FMN2: variants seen among roughly 807,000 people sequenced by gnomAD.
The protein encoded by FMN2 is formin 2.
FMN2 carries 51 observed loss-of-function variants against 142.3 expected under a neutral mutation model. The ratio of observed to expected loss-of-function variants is 0.36; its 90% confidence interval spans 0.29 to 0.45. The LOEUF (loss-of-function observed/expected upper bound fraction) is 0.45. Ranked by LOEUF, FMN2 falls within the 20% of genes least tolerant of loss-of-function variation. FMN2 has a pLI of 1.00. For synonymous variants in FMN2, 882 were observed against 869.8 expected (o/e 1.01, Z -0.25); for missense variants, 1,936 against 2,122.8 (o/e 0.91, Z 1.73).
Position 240,373,296 on chromosome 1 carries a change from G to T in FMN2, c.4858+17388G>T, listed in dbSNP as rs189290273. ...AGCTGCTCGCTGACAGGTCAGGGTG[G>T]TGGTTGCTGAATATTGGGGTAGCTG... On this transcript the variant is annotated intron_variant, in intron 14 of 17. Coordinates refer to ENST00000319653, the MANE Select transcript of FMN2 (RefSeq NM_020066.5). Among the ~76,000 whole-genome samples, 360 of 152,256 alleles carry T rather than the reference G, an allele frequency of 2.4e-3. 5 individuals are homozygous for T. The highest frequency in any genetic ancestry group is 8.3e-3 in the African/African-American group (345 of 41,554).
At chr1:240,226,773 T>C (rs10802848) in intron 6 of FMN2, among the ~76,000 whole-genome samples, 101,783 of 151,678 alleles carry the variant, frequency 0.67, 35,059 homozygotes, top group African/African-American at 0.8. Flanking sequence ...TCAATAGCTG[T>C]AGAATCCGCA....
At chr1:240,256,134 A>G (rs1372976589) in intron 6 of FMN2, among the ~76,000 whole-genome samples, 2 of 152,174 alleles carry the variant, frequency 1.3e-5, no homozygotes, top group African/African-American at 2.4e-5. Context: ...AAGCATTTTC[A>G]TCAAGCAGCA....
intron 8 of FMN2, among the ~76,000 whole-genome samples, chr1:240,315,442 T>TA (rs1302887605): frequency 1.3e-5 from 2 of 152,214 alleles, no homozygotes; most frequent in African/African-American, 4.8e-5. Flanking sequence ...AAGGAATAAA[T>TA]AGTCAACTCT....
chr1:240,338,439 T>G (rs1328688734), intron 13 of FMN2, among the ~76,000 whole-genome samples: 1 of 152,236 alleles, frequency 6.6e-6, no homozygotes, highest in Non-Finnish European at 1.5e-5. Flanking sequence ...ACAGTGGTCC[T>G]TCCCACCTAT....
rs768022894 is a variant in FMN2, at chr1:240,207,233, C to T, written c.2421C>T (p.Ile807=). The change falls in exon 5 of 18, where the codon ATC becomes ATT. Residue 807 remains isoleucine (I), a synonymous_variant. Transcript: ENST00000319653. ...ACAGCCATCAGCCCACACAGAGCAT[C>T]TCACAGCCTCCACCACCTCCATCCC... The part of the protein sequence containing the change: ...QLDSHQPTQS[I]SQPPPPPSLL... 1.2e-6 allele frequency: 2 copies of T among 1,614,042 alleles called. No individual in the cohort carries two copies. Among genetic ancestry groups the T allele is most frequent in the Non-Finnish European group, 1.7e-6 (2 of 1,179,954 alleles).
chr1:240,180,446 C>T (rs1441572450), intron 3 of FMN2, among the ~76,000 whole-genome samples: 3 of 151,818 alleles, frequency 2.0e-5, no homozygotes, highest in Non-Finnish European at 2.9e-5. Flanking sequence ...TGTTTTACAT[C>T]AATCACAAAG....
Position 240,206,932 on chromosome 1 carries a change from GTCATCAAGGGCT to G in FMN2, c.2122_2133del (p.His708_Leu711del). The G allele has an allele frequency of 6.2e-7, 1 of 1,614,172 alleles. No homozygotes were observed. The highest frequency in any genetic ancestry group is 1.1e-5 in the South Asian group (1 of 91,078). On this transcript the variant is annotated inframe_deletion, in exon 5 of 18. Transcript: ENST00000319653. The stretch of plus-strand genomic sequence containing the variant: ...GCCCTGGACACAGAGGTGGCCAGTG[GTCATCAAGGGCT>G]TGAGAATGGAGTGACAGCCTCAGGC...
chr1:240,367,358 A>G (rs1473542436), intron 14 of FMN2, among the ~76,000 whole-genome samples: 1 of 152,014 alleles, frequency 6.6e-6, no homozygotes, highest in East Asian at 1.9e-4. Flanking sequence ...CCCTGCTCCC[A>G]CTTTGGAGCT....
chr1:240,091,966 G>A lies in FMN2; in HGVS notation c.-144G>A, dbSNP rs1475601937. The A allele has an allele frequency of 3.0e-6, 4 of 1,318,388 alleles. No homozygotes were observed. Among genetic ancestry groups the A allele is most frequent in the South Asian group, 1.8e-5 (1 of 54,154 alleles). 81.7% of individuals were successfully genotyped at this position (1,318,388 alleles called of 1,614,324 possible). On this transcript the variant is annotated 5_prime_UTR_variant, in exon 1 of 18. Coordinates refer to ENST00000319653, the MANE Select transcript of FMN2 (RefSeq NM_020066.5). ...GGCAGATGCGAGCGGGGCCAGCCGGGCGCGCGTCGGCCTCCCCTCCCAGCG... is the reference window on the plus strand; with the variant it reads ...GGCAGATGCGAGCGGGGCCAGCCGGACGCGCGTCGGCCTCCCCTCCCAGCG...
intron 15 of FMN2, among the ~76,000 whole-genome samples, chr1:240,393,086 A>G (rs1321027425): frequency 6.6e-6 from 1 of 151,932 alleles, no homozygotes; most frequent in Non-Finnish European, 1.5e-5. Context: ...AAAAAGAACA[A>G]ACTGGCGATA....
intron 15 of FMN2, among the ~76,000 whole-genome samples, chr1:240,396,509 A>G (rs1572264861): frequency 6.6e-6 from 1 of 151,768 alleles, no homozygotes; most frequent in East Asian, 1.9e-4. Flanking sequence ...GGTTTGTTAC[A>G]TGGGTACATT....
rs78715824 is a variant in FMN2, at chr1:240,124,063, C to T, written c.1782+718C>T. 5.3e-3 allele frequency among the ~76,000 whole-genome samples: 814 copies of T among 152,266 alleles called. 3 individuals are homozygous for T. Among genetic ancestry groups the T allele is most frequent in the African/African-American group, 0.018 (744 of 41,544 alleles). Reference sequence around the variant, plus strand: ...ATGTATATGTTGCATTTTGTTTATACGTTCATCCATCAATGGACATGTGGG... The same window carrying T: ...ATGTATATGTTGCATTTTGTTTATATGTTCATCCATCAATGGACATGTGGG... On this transcript the variant is annotated intron_variant, in intron 2 of 17. Transcript: ENST00000319653.
intron 15 of FMN2, among the ~76,000 whole-genome samples, chr1:240,424,154 G>A (rs1212268841): frequency 6.6e-6 from 1 of 152,186 alleles, no homozygotes; most frequent in African/African-American, 2.4e-5. Flanking sequence ...ACATACATAG[G>A]TGTACATGAG....
chr1:240,335,728 A>G (rs1351234744), intron 13 of FMN2, among the ~76,000 whole-genome samples: 1 of 152,170 alleles, frequency 6.6e-6, no homozygotes, highest in African/African-American at 2.4e-5. Flanking sequence ...TTTTCTTATG[A>G]TAAATACACA....
At chr1:240,201,171 T>C (rs186130501) in intron 4 of FMN2, among the ~76,000 whole-genome samples, 3 of 152,358 alleles carry the variant, frequency 2.0e-5, no homozygotes, top group Admixed American at 2.0e-4. Flanking sequence ...TACGCACTAA[T>C]AAATTGATCA....
intron 7 of FMN2, among the ~76,000 whole-genome samples, chr1:240,283,789 T>C (rs1360408330): frequency 6.6e-6 from 1 of 152,046 alleles, no homozygotes; most frequent in Non-Finnish European, 1.5e-5. Flanking sequence ...GTTTTGGAGA[T>C]TACTTAGACT....
intron 15 of FMN2, among the ~76,000 whole-genome samples, chr1:240,402,726 G>C (rs1674032790): frequency 6.6e-6 from 1 of 152,156 alleles, no homozygotes; most frequent in Non-Finnish European, 1.5e-5. Context: ...TTCCTACAGA[G>C]TCACTTAATG....
intron 7 of FMN2, among the ~76,000 whole-genome samples, chr1:240,281,550 C>A (rs1669396658): frequency 1.3e-5 from 2 of 151,756 alleles, no homozygotes; most frequent in Admixed American, 1.3e-4. Flanking sequence ...ATGATGTTTT[C>A]CAGAAGATAT....
intron 7 of FMN2, among the ~76,000 whole-genome samples, chr1:240,274,169 G>A (rs1254651821): frequency 1.3e-5 from 2 of 150,420 alleles, no homozygotes; most frequent in Non-Finnish European, 2.9e-5. Context: ...AAAAATCCAT[G>A]TCTGTGTTCC....
Sources: gnomAD v4.1 joint callset for allele counts (sites outside exome capture counted in the v4.1 genomes callset) on GRCh38, gnomAD v4.1.1 for gene constraint, MANE v1.5 for transcripts, NCBI Gene and HGNC (gene_info 2026-07-23, HGNC 2026-07-21) for gene names.